The following LYRM4 variants were observed in gnomAD, a reference collection of about 807,000 sequenced individuals.
LYRM4 encodes the protein LYR motif-containing protein 4.
LYRM4 carries 9 observed loss-of-function variants against 11.7 expected under a neutral mutation model. The observed-to-expected ratio is 0.77, with a 90% CI of 0.46 to 1.34. LYRM4 has a LOEUF of 1.34. Among genes scored for constraint, LYRM4 ranks in the 40% most tolerant of loss-of-function variants. The probability of loss-of-function intolerance (pLI) is 0.00; values close to 1 mark genes in which losing one functional copy is unlikely to be tolerated. For missense variants in LYRM4, 133 were observed against 112.5 expected (o/e 1.18, Z -0.82); for synonymous variants, 42 against 40.4 (o/e 1.04, Z -0.15).
At chr6:5,077,199 C>T in the LYRM4 span, among the ~76,000 whole-genome samples, 16 of 152,234 alleles carry the variant, frequency 1.1e-4, no homozygotes, top group Non-Finnish European at 1.9e-4. Flanking sequence ...GTCTACTCCA[C>T]CACCTCACTA....
the LYRM4 span, among the ~76,000 whole-genome samples, chr6:5,062,627 C>T: frequency 6.6e-6 from 1 of 152,168 alleles, no homozygotes; most frequent in Non-Finnish European, 1.5e-5. Context: ...AGAAGCCTCC[C>T]TTGCTCAGAG....
At chr6:5,051,469 A>T in the LYRM4 span, among the ~76,000 whole-genome samples, 3 of 152,230 alleles carry the variant, frequency 2.0e-5, no homozygotes, top group African/African-American at 7.2e-5. Context: ...AGGTAAGCAG[A>T]TTTCTCATCA....
the LYRM4 span, among the ~76,000 whole-genome samples, chr6:5,057,630 G>A: frequency 4.6e-5 from 7 of 151,534 alleles, no homozygotes; most frequent in South Asian, 6.3e-4. Context: ...CAGGGGAATC[G>A]CTTGAACCTG....
At chr6:5,186,302 A>C (rs776111778) in intron 2 of LYRM4, among the ~76,000 whole-genome samples, 2 of 152,218 alleles carry the variant, frequency 1.3e-5, no homozygotes, top group Admixed American at 6.5e-5. Context: ...GAGCAGGCTT[A>C]CTAGCATCAC....
the LYRM4 span, among the ~76,000 whole-genome samples, chr6:5,054,994 T>A: frequency 1.3e-5 from 2 of 152,222 alleles, no homozygotes; most frequent in Non-Finnish European, 2.9e-5. Flanking sequence ...CTGGAGAGTC[T>A]GACACCTTTT....
chr6:5,239,165 T>C (rs1368230597), intron 1 of LYRM4, among the ~76,000 whole-genome samples: 1 of 151,946 alleles, frequency 6.6e-6, no homozygotes, highest in Non-Finnish European at 1.5e-5. Context: ...AGCAATCAAC[T>C]CGTGAGACAT....
chr6:5,182,666 C>T (rs972513014), intron 2 of LYRM4, among the ~76,000 whole-genome samples: 1 of 152,184 alleles, frequency 6.6e-6, no homozygotes. Context: ...CTCAGAACTA[C>T]GAGCCTGAAT....
chr6:5,250,922 A>T (rs1231477236), intron 1 of LYRM4, among the ~76,000 whole-genome samples: 1 of 152,242 alleles, frequency 6.6e-6, no homozygotes, highest in Non-Finnish European at 1.5e-5. Flanking sequence ...ATACAATGTT[A>T]TTTAAAAAAT....
chr6:5,040,344 G>C, the LYRM4 span, among the ~76,000 whole-genome samples: 4 of 144,572 alleles, frequency 2.8e-5, no homozygotes, highest in African/African-American at 7.7e-5. Flanking sequence ...TAGATAGATA[G>C]ATAGATAGAT....
chr6:5,260,712 G>A lies in LYRM4; in HGVS notation c.22C>T (p.Gln8Ter). Reference protein sequence around the residue: MAASSRAQVLSLYRAMLR... With the variant: MAASSRA ...ATCGCCCGGTACAGAGATAACACTT[G>A]TGCGCGACTGGAGGCTGCCATTTTG... Residue 8 changes from glutamine to a stop codon, truncating the protein, a stop_gained, in exon 1 of 3, where the codon CAA becomes TAA. Transcript: ENST00000330636. LOFTEE classifies it high-confidence loss of function. 1 of 1,551,304 alleles carries A rather than the reference G, an allele frequency of 6.4e-7. No individual in the cohort carries two copies. The highest frequency in any genetic ancestry group is 8.7e-7 in the Non-Finnish European group (1 of 1,148,658).
At chr6:5,236,801 T>C (rs959742982) in intron 1 of LYRM4, among the ~76,000 whole-genome samples, 1 of 147,412 alleles carries the variant, frequency 6.8e-6, no homozygotes, top group Admixed American at 6.7e-5. Context: ...AAAAAAAAAA[T>C]TAAAAATTAG....
intron 1 of LYRM4, among the ~76,000 whole-genome samples, chr6:5,252,562 A>C (rs2753238): frequency 0.29 from 43,569 of 152,096 alleles, 7,855 homozygotes; most frequent in African/African-American, 0.51. Flanking sequence ...TGGCTGACAC[A>C]GACTGTTGCC....
At chr6:5,119,053 G>C (rs1763279717) in intron 2 of LYRM4, among the ~76,000 whole-genome samples, 1 of 152,198 alleles carries the variant, frequency 6.6e-6, no homozygotes, top group Non-Finnish European at 1.5e-5. Context: ...TGTGAAAGAA[G>C]CCAGGGGTGC....
chr6:5,109,664 C>T lies in LYRM4; in HGVS notation c.208-173G>A, dbSNP rs373026925. ...GGCCACTAGAGCACCATCCAACCCCCGTTTCCCTCACTGTGAGAAGTTACA... is the reference window on the plus strand; with the variant it reads ...GGCCACTAGAGCACCATCCAACCCCTGTTTCCCTCACTGTGAGAAGTTACA... On this transcript the variant is annotated intron_variant, in intron 2 of 2. Transcript: ENST00000330636. 5.9e-5 allele frequency among the ~76,000 whole-genome samples: 9 copies of T among 152,346 alleles called. No homozygotes were observed. In the East Asian group the frequency reaches 1.2e-3, roughly 20 times the overall value.
At chr6:5,061,586 G>C in the LYRM4 span, among the ~76,000 whole-genome samples, 90 of 152,328 alleles carry the variant, frequency 5.9e-4, no homozygotes, top group African/African-American at 2.0e-3. Context: ...GCTGAAGGTG[G>C]CTAGGGGCTA....
intron 2 of LYRM4, among the ~76,000 whole-genome samples, chr6:5,175,421 T>C (rs1287763540): frequency 5.3e-5 from 8 of 152,172 alleles, no homozygotes; most frequent in Non-Finnish European, 1.2e-4. Flanking sequence ...ATCCTTCACT[T>C]TCCTGCTCGA....
At chr6:5,140,228 A>C (rs1159115572) in intron 2 of LYRM4, among the ~76,000 whole-genome samples, 1 of 151,894 alleles carries the variant, frequency 6.6e-6, no homozygotes, top group Non-Finnish European at 1.5e-5. Flanking sequence ...ACCCTGTCTC[A>C]AAAGAAAAAA....
chr6:5,103,314 TAATG>T (rs1762559151), downstream of LYRM4: 1 of 152,224 alleles, frequency 6.6e-6, no homozygotes, highest in African/African-American at 2.4e-5. Flanking sequence ...CTGTTCGTAA[TAATG>T]AATATCCACT....
At chr6:5,219,045 T>C (rs1388195574) in intron 1 of LYRM4, among the ~76,000 whole-genome samples, 1 of 152,248 alleles carries the variant, frequency 6.6e-6, no homozygotes, top group Non-Finnish European at 1.5e-5. Context: ...CCTCCAGGAA[T>C]CATCTATTGT....
Sources: gnomAD v4.1 joint callset for allele counts (sites outside exome capture counted in the v4.1 genomes callset) on GRCh38, gnomAD v4.1.1 for gene constraint, MANE v1.5 for transcripts, NCBI Gene and HGNC (gene_info 2026-07-23, HGNC 2026-07-21) for gene names.